INPP5D: variants seen among roughly 807,000 people sequenced by gnomAD.
INPP5D encodes phosphatidylinositol 3,4,5-trisphosphate 5-phosphatase 1.
INPP5D carries 33 observed loss-of-function variants against 122.9 expected under a neutral mutation model. The observed-to-expected ratio is 0.27, with a 90% CI of 0.20 to 0.36. The LOEUF (loss-of-function observed/expected upper bound fraction) is 0.36. Ranked by LOEUF, INPP5D falls within the 10% of genes least tolerant of loss-of-function variation. The pLI is 1.00. For synonymous variants in INPP5D, 584 were observed against 576.2 expected, an observed-to-expected ratio of 1.01 and a Z score of -0.19; for missense variants, 1,053 against 1,412.7, an observed-to-expected ratio of 0.75 and a Z score of 4.08.
chr2:233,125,859 C>G lies in INPP5D; in HGVS notation c.464C>G (p.Thr155Ser). ...AACGAGAATCCCCGAGCGACCGAGA[C>G]CAGCCGGCCGAGCCTCTCCGAGACA... ...FSNENPRATE[T>S]SRPSLSETLF... The change falls in exon 4 of 27, where the codon ACC becomes AGC. Residue 155 changes from threonine (T) to serine (S), a missense_variant. Thr to Ser is a moderately conservative substitution (Grantham distance 58, BLOSUM62 1). This residue lies in a region of INPP5D where 196 missense variants were observed against 175.6 expected (regional missense o/e 1.12). Coordinates refer to ENST00000445964, the MANE Select transcript of INPP5D (RefSeq NM_001017915.3). The G allele has an allele frequency of 1.2e-6, 2 of 1,613,778 alleles. No individual in the cohort carries two copies. Among genetic ancestry groups the G allele is most frequent in the South Asian group, 2.2e-5 (2 of 91,038 alleles).
intron 2 of INPP5D, among the ~76,000 whole-genome samples, chr2:233,108,177 G>A (rs1313797636): frequency 6.6e-6 from 1 of 152,140 alleles, no homozygotes; most frequent in Non-Finnish European, 1.5e-5. Flanking sequence ...CAGCGTCTCT[G>A]ACTGCCTTCT....
chr2:233,080,262 C>T (rs1691639114), intron 2 of INPP5D, among the ~76,000 whole-genome samples: 1 of 152,146 alleles, frequency 6.6e-6, no homozygotes, highest in South Asian at 2.1e-4. Flanking sequence ...ATCAGCTGCA[C>T]CCGTCCAAGC....
At chr2:233,196,033 A>T (rs1695174402) in intron 24 of INPP5D, among the ~76,000 whole-genome samples, 1 of 152,168 alleles carries the variant, frequency 6.6e-6, no homozygotes, top group African/African-American at 2.4e-5. Context: ...CTGAGATGGA[A>T]GGATTGCTTC....
At position 233,105,473 on chromosome 2, in the gene INPP5D, A is replaced by G. The variant is rs2106237936; in HGVS notation, c.199-16634A>G. On this transcript the variant is annotated intron_variant, in intron 2 of 26. Transcript: ENST00000445964. This position sits in a 1 kb window ranked among gnomAD's most constrained non-coding sequence, Gnocchi z 4.0. ...GTCTCCCGGAGCACCCTCCCAAGCT[A>G]CTGTCCTCTCTTCACAAGCCTCTGC... is the stretch of plus-strand genomic sequence containing the variant. Among the ~76,000 whole-genome samples, 1 of 152,112 alleles carries G rather than the reference A, an allele frequency of 6.6e-6. No individual in the cohort carries two copies. The highest frequency in any genetic ancestry group is 2.1e-4 in the South Asian group (1 of 4,824).
intron 13 of INPP5D, among the ~76,000 whole-genome samples, chr2:233,167,303 C>T (rs940292607): frequency 1.3e-5 from 2 of 149,006 alleles, no homozygotes; most frequent in African/African-American, 2.5e-5. Context: ...TCTGGGAGGT[C>T]AAGGCTACAG....
chr2:233,167,349 C>T (rs778800110), intron 13 of INPP5D, among the ~76,000 whole-genome samples: 19 of 151,316 alleles, frequency 1.3e-4, no homozygotes, highest in Admixed American at 3.3e-4. Context: ...CCAGCCTGGG[C>T]GACACAGACT....
In INPP5D at chr2:233,170,631, C is replaced by G; in HGVS notation, c.1900+27C>G. ...TAAGAGCAGCAACCCCGGCTGGGAG[C>G]GGTGGCTCACACCTGTAATCCCAGC... On this transcript the variant is annotated intron_variant, in intron 16 of 26. Coordinates refer to ENST00000445964, the MANE Select transcript of INPP5D (RefSeq NM_001017915.3). This position sits in a 1 kb window ranked among gnomAD's most constrained non-coding sequence, Gnocchi z 4.5. The G allele has an allele frequency of 6.2e-7, 1 of 1,609,140 alleles. No homozygotes were observed. The highest frequency in any genetic ancestry group is 8.5e-7 in the Non-Finnish European group (1 of 1,177,638).
intron 2 of INPP5D, among the ~76,000 whole-genome samples, chr2:233,095,641 A>C (rs1240314384): frequency 6.9e-4 from 93 of 134,540 alleles, no homozygotes; most frequent in African/African-American, 2.4e-3. Flanking sequence ...AAAAAAAAAA[A>C]AACAACTCCT....
intron 2 of INPP5D, among the ~76,000 whole-genome samples, chr2:233,111,271 G>T (rs1323516404): frequency 5.3e-5 from 8 of 151,912 alleles, no homozygotes; most frequent in Admixed American, 5.2e-4. Context: ...TAGATCCTTC[G>T]TTCAAATGTT....
rs1472551506 is a variant in INPP5D, at chr2:233,164,123, C to T, written c.1438-184C>T. 1.3e-5 allele frequency among the ~76,000 whole-genome samples: 2 copies of T among 152,130 alleles called. No homozygotes were observed. The highest frequency in any genetic ancestry group is 2.1e-4 in the South Asian group (1 of 4,826). On this transcript the variant is annotated intron_variant, in intron 12 of 26. Coordinates refer to ENST00000445964, the MANE Select transcript of INPP5D (RefSeq NM_001017915.3). This position sits in a 1 kb window ranked among gnomAD's most constrained non-coding sequence, Gnocchi z 4.3. ...CTATCTTCCCACCCTTGGTCAGCCC[C>T]GGTTCTCATCTTTAGGATGTTTTGT...
chr2:233,078,223 G>A lies in INPP5D; in HGVS notation c.135-1112G>A, dbSNP rs962140440. The stretch of plus-strand genomic sequence containing the variant: ...GGGTTTCAGCAGGCTGAGGGCCACC[G>A]CAGTGTGCCCCTCTCCCAAGGTGCT... On this transcript the variant is annotated intron_variant, in intron 1 of 26. Transcript: ENST00000445964. This position sits in a 1 kb window ranked among gnomAD's most constrained non-coding sequence, Gnocchi z 4.6. 3.3e-5 allele frequency among the ~76,000 whole-genome samples: 5 copies of A among 152,230 alleles called. No individual in the cohort carries two copies. Among genetic ancestry groups the A allele is most frequent in the African/African-American group, 4.8e-5 (2 of 41,458 alleles).
At chr2:233,202,337 G>A (rs920231351) in intron 25 of INPP5D, among the ~76,000 whole-genome samples, 1 of 152,128 alleles carries the variant, frequency 6.6e-6, no homozygotes, top group African/African-American at 2.4e-5. Flanking sequence ...GAACATGGAG[G>A]GGGCCCTTTC....
intron 3 of INPP5D, among the ~76,000 whole-genome samples, chr2:233,124,269 C>T (rs908770624): frequency 3.3e-5 from 5 of 152,188 alleles, no homozygotes; most frequent in Non-Finnish European, 4.4e-5. Context: ...TGTCCACAGA[C>T]GCTGAGACCC....
Position 233,188,507 on chromosome 2 carries a change from G to A in INPP5D, c.2359-1343G>A, listed in dbSNP as rs60526855. Among the ~76,000 whole-genome samples the A allele has an allele frequency of 6.6e-6, 1 of 152,218 alleles. No homozygotes were observed. Among genetic ancestry groups the A allele is most frequent in the African/African-American group, 2.4e-5 (1 of 41,522 alleles). Reference sequence around the variant, plus strand: ...CATGCCAGGAGCCAAGTGATAATTGGTGCAGCTGTAGAACCCTGGAGTACC... The same window carrying A: ...CATGCCAGGAGCCAAGTGATAATTGATGCAGCTGTAGAACCCTGGAGTACC... On this transcript the variant is annotated intron_variant, in intron 21 of 26. Transcript: ENST00000445964. The surrounding 1 kb of genome is among the most constrained non-coding windows in gnomAD (Gnocchi z 4.7).
In INPP5D at chr2:233,082,064, G is replaced by T. The variant is rs969040270; in HGVS notation, c.198+2666G>T. On this transcript the variant is annotated intron_variant, in intron 2 of 26. Transcript: ENST00000445964. This position sits in a 1 kb window ranked among gnomAD's most constrained non-coding sequence, Gnocchi z 4.7. ...GGGCAGCTTTCAGAGAAGATGGGCGGCTCTGCTGGACTTCTCTGCTCCTGA... is the reference window on the plus strand; with the variant it reads ...GGGCAGCTTTCAGAGAAGATGGGCGTCTCTGCTGGACTTCTCTGCTCCTGA... 3.3e-5 allele frequency among the ~76,000 whole-genome samples: 5 copies of T among 152,140 alleles called. No individual in the cohort carries two copies. The highest frequency in any genetic ancestry group is 6.5e-5 in the Admixed American group (1 of 15,270).
intron 22 of INPP5D, among the ~76,000 whole-genome samples, chr2:233,192,844 C>T (rs1029981665): frequency 1.3e-5 from 2 of 152,186 alleles, no homozygotes; most frequent in African/African-American, 4.8e-5. Flanking sequence ...AAACTGATTG[C>T]CATAAAGGCT....
Position 233,163,785 on chromosome 2 carries a change from A to G in INPP5D, c.1319A>G (p.Asp440Gly). The G allele has an allele frequency of 6.2e-7, 1 of 1,613,914 alleles. No homozygotes were observed. Reference sequence around the variant, plus strand: ...GGAAAGACGCGGGACGACTCTGCGGACTACATCCCCCATGACATTTACGTG... The same window carrying G: ...GGAAAGACGCGGGACGACTCTGCGGGCTACATCCCCCATGACATTTACGTG... ...GQGKTRDDSA[D>G]YIPHDIYVIG... Residue 440 changes from aspartate (D) to glycine (G), a missense_variant, in exon 12 of 27, where the codon GAC becomes GGC. Physicochemically the swap from Asp to Gly is moderately conservative, Grantham distance 94. Around this residue, in one of 6 missense-constraint regions of INPP5D, gnomAD observed 105 missense variants for 199.8 expected, o/e 0.53. Transcript: ENST00000445964.
In INPP5D at chr2:233,115,594, C is replaced by T. The variant is rs187249118; in HGVS notation, c.199-6513C>T. 1.6e-4 allele frequency among the ~76,000 whole-genome samples: 25 copies of T among 152,298 alleles called. 1 individual carries two copies. The highest frequency in any genetic ancestry group is 9.8e-4 in the Admixed American group (15 of 15,306). ...CCCCAGGGCCACAGGCAGCCCCTCT[C>T]CCCTTGCCCTGTACCTTCCCCAGGA... On this transcript the variant is annotated intron_variant, in intron 2 of 26. Transcript: ENST00000445964.
Position 233,164,496 on chromosome 2 carries a change from C to A in INPP5D, c.1555+72C>A. The A allele has an allele frequency of 6.9e-7, 1 of 1,454,180 alleles. No individual in the cohort carries two copies. The highest frequency in any genetic ancestry group is 9.2e-7 in the Non-Finnish European group (1 of 1,091,048). 90.1% of individuals were successfully genotyped at this position (1,454,180 alleles called of 1,614,324 possible). A position where few individuals can be genotyped will look rare whatever the true frequency, so the allele number is the denominator to read the frequency against. ...ACTCTCGCGACCACATCATCCTGAT[C>A]CCACCAGTAGTTCCCCGGGTTAAAA... is the stretch of plus-strand genomic sequence containing the variant. On this transcript the variant is annotated intron_variant, in intron 13 of 26. Coordinates refer to ENST00000445964, the MANE Select transcript of INPP5D (RefSeq NM_001017915.3). The surrounding 1 kb of genome is among the most constrained non-coding windows in gnomAD (Gnocchi z 4.3).
Sources: allele counts gnomAD v4.1 joint callset (sites outside exome capture counted in the v4.1 genomes callset), GRCh38; gene constraint gnomAD v4.1.1; regional missense constraint gnomAD v4.1.1; non-coding constraint Gnocchi (gnomAD v3.1); transcripts MANE v1.5; gene names NCBI Gene and HGNC (gene_info 2026-07-23, HGNC 2026-07-21).